The following GALK2 variants were observed in gnomAD, a reference collection of about 807,000 sequenced individuals.
The protein encoded by GALK2 is galactokinase 2.
Under a neutral mutation model 52.4 loss-of-function variants are expected in GALK2, and 36 were observed. The ratio of observed to expected loss-of-function variants is 0.69; its 90% CI spans 0.53 to 0.91. GALK2 has a LOEUF of 0.91. GALK2 is among the 40% of genes least tolerant of loss of function. The pLI, the probability that GALK2 is intolerant of heterozygous loss-of-function variation, is 0.00. For synonymous variants in GALK2, 176 were observed against 199.1 expected (o/e 0.88, Z 0.98); for missense variants, 579 against 559.1 (o/e 1.04, Z -0.36).
intron 2 of GALK2, among the ~76,000 whole-genome samples, chr15:49,202,423 A>G (rs540836702): frequency 6.6e-6 from 1 of 152,280 alleles, no homozygotes; most frequent in East Asian, 1.9e-4. Context: ...CAACTCTTTT[A>G]GCCTCCATAT....
At chr15:49,334,158 T>G, downstream of GALK2, 1 of 685,272 alleles carries the variant, frequency 1.5e-6, no homozygotes, top group Non-Finnish European at 1.8e-6. Context: ...TGTGGTTTTA[T>G]GTAACATCTC....
chr15:49,262,140 A>G (rs1293246339), intron 5 of GALK2, among the ~76,000 whole-genome samples: 3 of 151,986 alleles, frequency 2.0e-5, no homozygotes, highest in African/African-American at 4.8e-5. Context: ...TTCAGAAGGA[A>G]TGGTACCAGT....
chr15:49,341,600 C>T (rs1228446523), intron 3 of GALK2, among the ~76,000 whole-genome samples: 1 of 152,122 alleles, frequency 6.6e-6, no homozygotes, highest in East Asian at 1.9e-4. Flanking sequence ...GATTTGCTTA[C>T]TTCAATCTCC....
intron 1 of GALK2, among the ~76,000 whole-genome samples, chr15:49,191,618 G>C (rs571350908): frequency 6.6e-6 from 1 of 152,270 alleles, no homozygotes; most frequent in African/African-American, 2.4e-5. Context: ...AAAGGCACAT[G>C]ATGTATATGT....
chr15:49,271,235 T>A (rs959324645), intron 5 of GALK2, among the ~76,000 whole-genome samples: 1 of 152,222 alleles, frequency 6.6e-6, no homozygotes, highest in African/African-American at 2.4e-5. Flanking sequence ...TATTGTCTGA[T>A]TCCATCAGGC....
At chr15:49,305,045 T>C (rs2035432701) in intron 8 of GALK2, among the ~76,000 whole-genome samples, 1 of 152,160 alleles carries the variant, frequency 6.6e-6, no homozygotes, top group Non-Finnish European at 1.5e-5. Context: ...TGTTTATTAG[T>C]TGTTCAATTT....
chr15:49,262,246 G>T (rs1027215639), intron 5 of GALK2, among the ~76,000 whole-genome samples: 104 of 152,192 alleles, frequency 6.8e-4, no homozygotes, highest in Admixed American at 3.4e-3. Context: ...CAATTTCAGA[G>T]CCTGTTATTG....
intron 5 of GALK2, among the ~76,000 whole-genome samples, chr15:49,258,975 C>A (rs970101212): frequency 3.3e-5 from 5 of 151,482 alleles, no homozygotes; most frequent in Admixed American, 3.3e-4. Flanking sequence ...TCATGTCCTT[C>A]ACCCATTTTT....
intron 1 of GALK2, among the ~76,000 whole-genome samples, chr15:49,158,171 G>T (rs952768511): frequency 1.6e-4 from 24 of 152,266 alleles, no homozygotes; most frequent in African/African-American, 5.8e-4. Context: ...TGAATTGTGG[G>T]TATATTGGGG....
intron 2 of GALK2, among the ~76,000 whole-genome samples, chr15:49,209,691 G>C (rs556932200): frequency 1.9e-4 from 29 of 152,136 alleles, no homozygotes; most frequent in Admixed American, 1.5e-3. Context: ...AATCCCACTT[G>C]ATCATGGTAT....
Position 49,319,692 on chromosome 15 carries a change from A to C in GALK2, c.1056A>C (p.Ala352=). The C allele has an allele frequency of 6.2e-7, 1 of 1,614,144 alleles. No individual in the cohort carries two copies. The highest frequency in any genetic ancestry group is 8.5e-7 in the Non-Finnish European group (1 of 1,180,034). The change falls in exon 9 of 10, where the codon GCA becomes GCC. Residue 352 remains alanine (A), a synonymous_variant. Transcript: ENST00000560031. ...AGTTTAAGAAGATATGTGAAGAAGC[A>C]CCTGAAAACATGGTCCAGCTGCTGG... ...VLQFKKICEE[A]PENMVQLLGE... is the part of the protein sequence containing the mutation.
intron 1 of GALK2, among the ~76,000 whole-genome samples, chr15:49,164,800 AAAAAAAG>A (rs1166933413): frequency 2.7e-5 from 4 of 148,810 alleles, no homozygotes; most frequent in African/African-American, 1.0e-4. Context: ...AAAAAAAAAA[AAAAAAAG>A]AAATAAAAAG....
At chr15:49,264,278 C>A (rs2092266870) in intron 5 of GALK2, among the ~76,000 whole-genome samples, 1 of 151,956 alleles carries the variant, frequency 6.6e-6, no homozygotes, top group Admixed American at 6.6e-5. Flanking sequence ...TCTTTTTATT[C>A]TTTTTTCTCT....
Position 49,262,419 on chromosome 15 carries a change from C to T in GALK2, c.505-19568C>T, listed in dbSNP as rs546131390. Among the ~76,000 whole-genome samples, 3 of 152,208 alleles carry T rather than the reference C, an allele frequency of 2.0e-5. No individual in the cohort carries two copies. The East Asian group carries it at 5.8e-4, about 29-fold the overall frequency. ...TCTGTGGGATCGGTGGTGATATCCCCTTTATCATTTTTTATTGCGTCTATT... is the reference window on the plus strand; with the variant it reads ...TCTGTGGGATCGGTGGTGATATCCCTTTTATCATTTTTTATTGCGTCTATT... On this transcript the variant is annotated intron_variant, in intron 5 of 9. Transcript: ENST00000560031.
intron 5 of GALK2, among the ~76,000 whole-genome samples, chr15:49,250,286 G>T (rs1306944707): frequency 6.6e-6 from 1 of 152,184 alleles, no homozygotes; most frequent in Non-Finnish European, 1.5e-5. Context: ...GTTAATAAAT[G>T]AGACTGGTTA....
At chr15:49,185,484 G>T (rs981845162) in intron 1 of GALK2, 2 of 152,100 alleles carry the variant, frequency 1.3e-5, no homozygotes, top group Non-Finnish European at 2.9e-5. Flanking sequence ...ATTTTCCTTT[G>T]GATGTATACC....
chr15:49,187,927 A>G (rs1328079437), intron 1 of GALK2, among the ~76,000 whole-genome samples: 2 of 152,118 alleles, frequency 1.3e-5, no homozygotes, highest in Non-Finnish European at 2.9e-5. Context: ...GGTGGTCTGC[A>G]TCACAGTAAC....
intron 5 of GALK2, among the ~76,000 whole-genome samples, chr15:49,277,626 T>C (rs2032030874): frequency 1.3e-5 from 2 of 148,292 alleles, no homozygotes; most frequent in East Asian, 2.1e-4. Context: ...TGAAACCCCG[T>C]CTCTACTAAA....
intron 1 of GALK2, among the ~76,000 whole-genome samples, chr15:49,162,713 C>A (rs1012969969): frequency 6.6e-6 from 1 of 152,108 alleles, no homozygotes; most frequent in African/African-American, 2.4e-5. Flanking sequence ...AAGGCAAGTG[C>A]CCATGTTGGG....
Sources: gnomAD v4.1 joint callset for allele counts (sites outside exome capture counted in the v4.1 genomes callset) on GRCh38, gnomAD v4.1.1 for gene constraint, MANE v1.5 for transcripts, NCBI Gene and HGNC (gene_info 2026-07-23, HGNC 2026-07-21) for gene names.